The following KCNK2 variants were observed in gnomAD, a reference collection of about 807,000 sequenced individuals.
The protein encoded by KCNK2 is potassium channel subfamily K member 2.
A neutral mutation model predicts 40.5 loss-of-function variants in KCNK2; 21 were observed. That is an observed-to-expected ratio of 0.52 (90% CI 0.37 to 0.75). The LOEUF (loss-of-function observed/expected upper bound fraction) is 0.75. KCNK2 is among the 30% of genes least tolerant of loss of function. The pLI, the probability that KCNK2 is intolerant of heterozygous loss-of-function variation, is 0.00. For missense variants in KCNK2, 399 were observed against 531.6 expected (o/e 0.75, Z 2.45); for synonymous variants, 191 against 202.2 (o/e 0.94, Z 0.47).
chr1:215,208,348 T>C (rs558954981), intron 6 of KCNK2, among the ~76,000 whole-genome samples: 59 of 152,170 alleles, frequency 3.9e-4, no homozygotes, highest in African/African-American at 1.3e-3. Flanking sequence ...CACTGGGGCC[T>C]ACCTGAAGGG....
At chr1:215,175,926 G>T (rs760336635) in intron 5 of KCNK2, among the ~76,000 whole-genome samples, 13 of 151,992 alleles carry the variant, frequency 8.6e-5, no homozygotes, top group Non-Finnish European at 1.2e-4. Context: ...TTGATTCCAT[G>T]CCTTGGCTAT....
At chr1:215,127,377 C>G (rs1403374970) in intron 3 of KCNK2, among the ~76,000 whole-genome samples, 1 of 152,186 alleles carries the variant, frequency 6.6e-6, no homozygotes, top group African/African-American at 2.4e-5. Flanking sequence ...CTTCATATAT[C>G]TAAACATCCT....
At chr1:215,078,512 A>G (rs980259442), upstream of KCNK2, among the ~76,000 whole-genome samples, 7 of 152,312 alleles carry the variant, frequency 4.6e-5, no homozygotes, top group Admixed American at 4.6e-4. Flanking sequence ...CAGTGCCAGT[A>G]GGGGAAATGC....
chr1:215,083,755 C>G (rs139507431), intron 1 of KCNK2: 16 of 438,152 alleles, frequency 3.7e-5, no homozygotes, highest in Non-Finnish European at 6.7e-5. Context: ...ATGGTGACCC[C>G]GGTCACACTT....
intron 6 of KCNK2, among the ~76,000 whole-genome samples, chr1:215,216,179 G>T (rs1335543689): frequency 6.6e-6 from 1 of 151,814 alleles, no homozygotes; most frequent in East Asian, 1.9e-4. Flanking sequence ...GGATATTTCT[G>T]ATTTTGCATT....
chr1:215,018,667 G>A (rs1656675725), intron 1 of KCNK2, among the ~76,000 whole-genome samples: 1 of 152,174 alleles, frequency 6.6e-6, no homozygotes, highest in African/African-American at 2.4e-5. Context: ...TGTGTTGGGA[G>A]ACAAGTGAGT....
chr1:215,006,056 T>C, intron 1 of KCNK2: 1 of 1,015,850 alleles, frequency 9.8e-7, no homozygotes, highest in Non-Finnish European at 1.5e-6. Flanking sequence ...GGAGTCTTCA[T>C]TATATGAAAG....
chr1:215,172,758 G>A (rs1571693230), intron 5 of KCNK2, among the ~76,000 whole-genome samples: 3 of 152,170 alleles, frequency 2.0e-5, no homozygotes, highest in East Asian at 1.9e-4. Flanking sequence ...CTGGGTTCGA[G>A]TGATTCTCCT....
Position 215,212,416 on chromosome 1 carries a change from G to T in KCNK2, c.963+17324G>T, listed in dbSNP as rs116538926. 3.3e-3 allele frequency among the ~76,000 whole-genome samples: 502 copies of T among 152,188 alleles called. 2 individuals are homozygous for T. The highest frequency in any genetic ancestry group is 0.012 in the African/African-American group (482 of 41,530). On this transcript the variant is annotated intron_variant, in intron 6 of 6. Coordinates refer to ENST00000444842, the MANE Select transcript of KCNK2 (RefSeq NM_001017425.3). Reference sequence around the variant, plus strand: ...AATGACAAATTTGCTGATTTGAAGGGCATGTATTTGATTTGAAAGGTGAAA... The same window carrying T: ...AATGACAAATTTGCTGATTTGAAGGTCATGTATTTGATTTGAAAGGTGAAA...
At chr1:215,204,037 CAA>C (rs71167813) in intron 6 of KCNK2, among the ~76,000 whole-genome samples, 3 of 53,186 alleles carry the variant, frequency 5.6e-5, no homozygotes, top group Admixed American at 3.4e-4. Flanking sequence ...GACTCCGTCT[CAA>C]AAAAAAAAAA....
chr1:215,127,589 T>G (rs1661489986), intron 3 of KCNK2, among the ~76,000 whole-genome samples: 1 of 152,184 alleles, frequency 6.6e-6, no homozygotes, highest in Admixed American at 6.5e-5. Context: ...CAAAGCAGCA[T>G]CATCACATGC....
chr1:215,155,664 C>T (rs1662887432), intron 3 of KCNK2, among the ~76,000 whole-genome samples: 1 of 152,084 alleles, frequency 6.6e-6, no homozygotes, highest in Admixed American at 6.5e-5. Flanking sequence ...GGACTACAAA[C>T]ATGCACCACC....
intron 2 of KCNK2, among the ~76,000 whole-genome samples, chr1:215,093,395 T>A (rs1659780430): frequency 7.4e-6 from 1 of 134,832 alleles, no homozygotes; most frequent in South Asian, 2.2e-4. Context: ...ATAATATACC[T>A]ATAATATACA....
chr1:215,182,352 A>G (rs1392742556), intron 5 of KCNK2, among the ~76,000 whole-genome samples: 3 of 152,168 alleles, frequency 2.0e-5, no homozygotes, highest in African/African-American at 4.8e-5. Context: ...CTGCACAACA[A>G]TCTATGTCCA....
chr1:215,010,851 ATTTTTTTT>A (rs66945279), intron 1 of KCNK2, among the ~76,000 whole-genome samples: 65 of 125,462 alleles, frequency 5.2e-4, no homozygotes, highest in African/African-American at 1.8e-3. Context: ...CAGGACACAG[ATTTTTTTT>A]TTTTTTTTTT....
chr1:215,029,886 A>G (rs1280355683), intron 1 of KCNK2, among the ~76,000 whole-genome samples: 1 of 152,068 alleles, frequency 6.6e-6, no homozygotes, highest in Non-Finnish European at 1.5e-5. Flanking sequence ...ACCTCTGTGT[A>G]GGTTTTTGTG....
chr1:215,094,664 A>G (rs1659900954), intron 2 of KCNK2, among the ~76,000 whole-genome samples: 1 of 152,136 alleles, frequency 6.6e-6, no homozygotes, highest in African/African-American at 2.4e-5. Flanking sequence ...ATTTTCATGT[A>G]CTATTTATTA....
chr1:215,222,854 T>G (rs2102702098), intron 6 of KCNK2, among the ~76,000 whole-genome samples: 1 of 152,118 alleles, frequency 6.6e-6, no homozygotes, highest in Admixed American at 6.6e-5. Context: ...ATGATAATTG[T>G]TAGGAATTTT....
intron 5 of KCNK2, among the ~76,000 whole-genome samples, chr1:215,192,806 T>G (rs1664720740): frequency 6.6e-6 from 1 of 152,190 alleles, no homozygotes; most frequent in South Asian, 2.1e-4. Context: ...AGTAAAAATT[T>G]TATAATATTT....
Sources: gnomAD v4.1 joint callset for allele counts (sites outside exome capture counted in the v4.1 genomes callset) on GRCh38, gnomAD v4.1.1 for gene constraint, MANE v1.5 for transcripts, NCBI Gene and HGNC (gene_info 2026-07-23, HGNC 2026-07-21) for gene names.